The following RYR3 variants were observed in gnomAD, a reference collection of about 807,000 sequenced individuals.
The protein encoded by RYR3 is ryanodine receptor 3, also known as brain ryanodine receptor-calcium release channel.
In RYR3, 207 loss-of-function variants were observed where a neutral mutation model predicts 584.3. The ratio of observed to expected loss-of-function variants is 0.35; its 90% confidence interval spans 0.32 to 0.40. RYR3 has a LOEUF of 0.40. Ranked by LOEUF, RYR3 falls within the 10% of genes least tolerant of loss-of-function variation. RYR3 has a pLI of 1.00. For synonymous variants in RYR3, 2,416 were observed against 2,248.5 expected (o/e 1.07, Z -2.11); for missense variants, 5,616 against 6,089.2 (o/e 0.92, Z 2.59).
At chr15:33,764,053 A>G (rs1380531042) in intron 60 of RYR3, among the ~76,000 whole-genome samples, 1 of 152,188 alleles carries the variant, frequency 6.6e-6, no homozygotes, top group African/African-American at 2.4e-5. Context: ...CAGAAATGCC[A>G]TTTGACCCAG....
In RYR3 at chr15:33,550,235, G is replaced by A; in HGVS notation, c.891G>A (p.Leu297=). ...TCACCACAGGCCACTACCTGGCCTT[G>A]ACAGAAGACCAAGGCCTTATACTGC... ...RHLTTGHYLA[L]TEDQGLILQD... The change falls in exon 10 of 104, where the codon TTG becomes TTA. Residue 297 remains leucine (L), a synonymous_variant. Transcript: ENST00000634891. 5 of 1,613,748 alleles carry A rather than the reference G, an allele frequency of 3.1e-6. No individual in the cohort carries two copies. Among genetic ancestry groups the A allele is most frequent in the Non-Finnish European group, 4.2e-6 (5 of 1,179,798 alleles).
intron 5 of RYR3, among the ~76,000 whole-genome samples, chr15:33,536,839 G>A (rs1425934018): frequency 6.6e-6 from 1 of 152,130 alleles, no homozygotes; most frequent in East Asian, 1.9e-4. Context: ...TCTACTTTCA[G>A]CTCTTTTAGT....
At chr15:33,750,720 C>A (rs1225308076) in intron 57 of RYR3, among the ~76,000 whole-genome samples, 3 of 151,626 alleles carry the variant, frequency 2.0e-5, no homozygotes, top group African/African-American at 2.4e-5. Context: ...AAATGCAGTA[C>A]CCTAGATATT....
intron 2 of RYR3, among the ~76,000 whole-genome samples, chr15:33,498,851 G>A (rs148232095): frequency 1.2e-4 from 19 of 152,058 alleles, no homozygotes; most frequent in South Asian, 2.1e-4. Context: ...GTTGATTTTT[G>A]TATATGGTGT....
At chr15:33,640,940 A>T (rs1267136280) in intron 27 of RYR3, among the ~76,000 whole-genome samples, 1 of 152,172 alleles carries the variant, frequency 6.6e-6, no homozygotes, top group East Asian at 1.9e-4. Context: ...TGCAATATGG[A>T]AATCCTTCTT....
intron 27 of RYR3, among the ~76,000 whole-genome samples, chr15:33,639,738 A>T (rs373107465): frequency 1.3e-5 from 2 of 152,160 alleles, no homozygotes; most frequent in East Asian, 3.9e-4. Context: ...TGGCTTACTT[A>T]CAAGTTGTCA....
intron 3 of RYR3, among the ~76,000 whole-genome samples, chr15:33,529,543 T>G (rs982545716): frequency 2.0e-4 from 31 of 152,218 alleles, no homozygotes; most frequent in Non-Finnish European, 7.4e-5. Context: ...GCATAAGAGG[T>G]GTCCTTGAAG....
chr15:33,608,815 A>AAGAC (rs1260466882), intron 18 of RYR3, among the ~76,000 whole-genome samples: 2 of 152,246 alleles, frequency 1.3e-5, no homozygotes, highest in Non-Finnish European at 2.9e-5. Flanking sequence ...AAGGTGGGAA[A>AAGAC]AGACAGTGTC....
In RYR3 at chr15:33,520,066, G is replaced by GA. The variant is rs61709471; in HGVS notation, c.280-10520dup. Reference sequence around the variant, plus strand: ...TGGTTGTTACAGGACATCCAAGGGGGAAAAAACCCCATGTAAGTTGAAGAA... The same window carrying GA: ...TGGTTGTTACAGGACATCCAAGGGGGAAAAAAACCCCATGTAAGTTGAAGAA... On this transcript the variant is annotated intron_variant, in intron 3 of 103. Transcript: ENST00000634891. 3.9e-5 allele frequency among the ~76,000 whole-genome samples: 6 copies of GA among 152,246 alleles called. No individual in the cohort carries two copies. The East Asian group carries it at 7.7e-4, about 20-fold the overall frequency.
chr15:33,320,413 A>G (rs747695850), intron 1 of RYR3, among the ~76,000 whole-genome samples: 7 of 152,184 alleles, frequency 4.6e-5, no homozygotes, highest in Non-Finnish European at 7.3e-5. Context: ...TGCATTCAAC[A>G]TGTATTGACC....
At chr15:33,583,257 GATATTTT>G (rs2058682740) in intron 14 of RYR3, among the ~76,000 whole-genome samples, 1 of 152,164 alleles carries the variant, frequency 6.6e-6, no homozygotes, top group South Asian at 2.1e-4. Context: ...ATATATTTTA[GATATTTT>G]ATAGTTACAT....
chr15:33,794,352 T>TATAACATATATATATGTGTATA, intron 67 of RYR3, among the ~76,000 whole-genome samples: 1 of 141,940 alleles, frequency 7.0e-6, no homozygotes, highest in Non-Finnish European at 1.5e-5. Context: ...TATAAAAATA[T>TATAACATATATATATGTGTATA]ATATATATAT....
chr15:33,705,303 T>C (rs928037256), intron 42 of RYR3, among the ~76,000 whole-genome samples: 2 of 152,208 alleles, frequency 1.3e-5, no homozygotes, highest in Non-Finnish European at 2.9e-5. Flanking sequence ...AGTGTGGTGA[T>C]AGATTCTTGC....
intron 32 of RYR3, among the ~76,000 whole-genome samples, chr15:33,658,493 A>G (rs954531086): frequency 3.3e-5 from 5 of 152,224 alleles, no homozygotes; most frequent in Admixed American, 3.3e-4. Context: ...TGTTTGCTGA[A>G]AGCAAGACAC....
In RYR3 at chr15:33,697,906, T is replaced by C; in HGVS notation, c.6159T>C (p.Phe2053=). The C allele has an allele frequency of 6.2e-7, 1 of 1,613,148 alleles. No individual in the cohort carries two copies. Among genetic ancestry groups the C allele is most frequent in the Non-Finnish European group, 8.5e-7 (1 of 1,179,108 alleles). ...GAGACATAATGAACAACAAGGTGTT[T>C]TACCAGCATCCCAACCTCATGAGAG... ...GLGDIMNNKV[F]YQHPNLMRVL... is the part of the protein sequence containing the mutation. The change falls in exon 40 of 104, where the codon TTT becomes TTC. Residue 2053 remains phenylalanine, a synonymous_variant. Transcript: ENST00000634891.
At chr15:33,795,380 CTTT>C (rs1201963780) in intron 67 of RYR3, among the ~76,000 whole-genome samples, 1 of 92,464 alleles carries the variant, frequency 1.1e-5, no homozygotes, top group Non-Finnish European at 2.1e-5. Context: ...TTTTTCTTTT[CTTT>C]TTTTTTTTTT....
At chr15:33,625,862 T>G (rs1166097890) in intron 20 of RYR3, among the ~76,000 whole-genome samples, 1 of 152,180 alleles carries the variant, frequency 6.6e-6, no homozygotes, top group African/African-American at 2.4e-5. Flanking sequence ...TGAATTCTTT[T>G]GGGGGGCTCT....
intron 1 of RYR3, among the ~76,000 whole-genome samples, chr15:33,443,040 C>T (rs961625016): frequency 6.6e-6 from 1 of 152,138 alleles, no homozygotes. Flanking sequence ...GGGCAGATCA[C>T]TTAAGGTCAG....
At chr15:33,823,297 G>A (rs758640426) in intron 81 of RYR3, among the ~76,000 whole-genome samples, 5 of 152,088 alleles carry the variant, frequency 3.3e-5, no homozygotes, top group African/African-American at 7.2e-5. Flanking sequence ...ACATACACAC[G>A]CTCCCCCACT....
Sources: allele counts gnomAD v4.1 joint callset (sites outside exome capture counted in the v4.1 genomes callset), GRCh38; gene constraint gnomAD v4.1.1; transcripts MANE v1.5; gene names NCBI Gene and HGNC (gene_info 2026-07-23, HGNC 2026-07-21).